Variants in SH3D19 observed in about 807,000 individuals in gnomAD.
SH3D19 encodes SH3 domain containing 19, also known as SH3 domain-containing protein 19.
SH3D19 carries 58 observed loss-of-function variants against 112.1 expected under a neutral mutation model. That is an observed-to-expected ratio of 0.52 (90% CI 0.42 to 0.64). SH3D19 has a LOEUF of 0.64. Among genes scored for constraint, SH3D19 ranks in the 30% least tolerant of loss-of-function variants. The pLI, the probability that SH3D19 is intolerant of heterozygous loss-of-function variation, is 0.00. For missense variants in SH3D19, 1,090 were observed against 1,263.4 expected, an observed-to-expected ratio of 0.86 and a Z score of 2.08; for synonymous variants, 391 against 448.5, an observed-to-expected ratio of 0.87 and a Z score of 1.62.
intron 9 of SH3D19, among the ~76,000 whole-genome samples, chr4:151,157,640 T>C (rs1161551139): frequency 6.6e-6 from 1 of 152,106 alleles, no homozygotes; most frequent in Non-Finnish European, 1.5e-5. Flanking sequence ...TGCACATCCA[T>C]GTTTACTGCA....
At chr4:151,276,805 T>C (rs1773666774) in intron 1 of SH3D19, among the ~76,000 whole-genome samples, 1 of 152,184 alleles carries the variant, frequency 6.6e-6, no homozygotes, top group Non-Finnish European at 1.5e-5. Flanking sequence ...GTTCATTTCC[T>C]CTTTTCCATT....
intron 2 of SH3D19, among the ~76,000 whole-genome samples, chr4:151,189,611 A>G (rs767322252): frequency 2.0e-5 from 3 of 152,158 alleles, no homozygotes; most frequent in Non-Finnish European, 2.9e-5. Context: ...TTTTAAAAAG[A>G]GGCATTCCCT....
intron 1 of SH3D19, among the ~76,000 whole-genome samples, chr4:151,240,907 G>A (rs1456399617): frequency 6.6e-6 from 1 of 151,884 alleles, no homozygotes; most frequent in Admixed American, 6.6e-5. Flanking sequence ...AACCGGTGAT[G>A]GATAAAATGT....
chr4:151,191,574 T>TA (rs1762631939), intron 2 of SH3D19, among the ~76,000 whole-genome samples: 1 of 152,148 alleles, frequency 6.6e-6, no homozygotes, highest in Non-Finnish European at 1.5e-5. Context: ...TGTTCCCCTG[T>TA]ACAAGGCATG....
intron 13 of SH3D19, among the ~76,000 whole-genome samples, chr4:151,138,727 CACACACAA>C (rs1561212463): frequency 1.0e-4 from 15 of 144,382 alleles, no homozygotes; most frequent in African/African-American, 4.0e-4. Context: ...CACACACACA[CACACACAA>C]ATTACTTTGA....
At chr4:151,260,628 A>G (rs1281152526) in intron 1 of SH3D19, among the ~76,000 whole-genome samples, 1 of 152,250 alleles carries the variant, frequency 6.6e-6, no homozygotes, top group African/African-American at 2.4e-5. Flanking sequence ...GTGAGATAAC[A>G]TCACTCCCTG....
intron 2 of SH3D19, among the ~76,000 whole-genome samples, chr4:151,215,224 A>G (rs1766874286): frequency 6.6e-6 from 1 of 152,190 alleles, no homozygotes; most frequent in African/African-American, 2.4e-5. Context: ...AGCCGGCCTC[A>G]TTAAAATATT....
chr4:151,301,156 A>C lies in SH3D19; in HGVS notation c.112+24085T>G, dbSNP rs527295454. On this transcript the variant is annotated intron_variant, in intron 1 of 19. Coordinates refer to ENST00000604030, the MANE Select transcript of SH3D19 (RefSeq NM_001378122.1). ...TGGGGGGTGATTGGATCATGGGAGT[A>C]GCTTCTCCATGGTTTAACACCATCC... Among the ~76,000 whole-genome samples the C allele has an allele frequency of 4.6e-5, 7 of 152,324 alleles. No individual in the cohort carries two copies. In the East Asian group the frequency reaches 1.4e-3, roughly 29 times the overall value.
chr4:151,295,819 C>T (rs569163412), intron 1 of SH3D19, among the ~76,000 whole-genome samples: 295 of 152,076 alleles, frequency 1.9e-3, no homozygotes, highest in Non-Finnish European at 3.5e-3. Context: ...GGGCGGATCA[C>T]GAGGTCAGGA....
chr4:151,151,062 G>T (rs1754983032), intron 9 of SH3D19, among the ~76,000 whole-genome samples: 2 of 149,632 alleles, frequency 1.3e-5, no homozygotes, highest in African/African-American at 5.0e-5. Context: ...CCAGGTTCAA[G>T]TGATTCTCCT....
intron 2 of SH3D19, among the ~76,000 whole-genome samples, chr4:151,220,962 G>C (rs985359517): frequency 6.6e-6 from 1 of 152,190 alleles, no homozygotes; most frequent in African/African-American, 2.4e-5. Context: ...CAAGAACAAC[G>C]CAGATATTTC....
In SH3D19 at chr4:151,175,228, G is replaced by T; in HGVS notation, c.976C>A (p.Pro326Thr). ...GAAGGTTTCCCTGAGGAAACAGTAG[G>T]CTTTGGAGGAAGTGAACGTGGAGTA... ...EITPRSLPPK[P>T]TVSSGKPSVA... The change falls in exon 7 of 20, where the codon CCT becomes ACT. Residue 326 changes from proline to threonine, a missense_variant. Transcript: ENST00000604030. 1 of 1,614,228 alleles carries T rather than the reference G, an allele frequency of 6.2e-7. No individual in the cohort carries two copies. Among genetic ancestry groups the T allele is most frequent in the South Asian group, 1.1e-5 (1 of 91,088 alleles).
At chr4:151,275,245 C>A (rs1245658557) in intron 1 of SH3D19, among the ~76,000 whole-genome samples, 3 of 151,926 alleles carry the variant, frequency 2.0e-5, no homozygotes, top group Non-Finnish European at 4.4e-5. Context: ...CGCCACTACA[C>A]CCGGCTAATT....
At chr4:151,281,694 T>C (rs1213673991) in intron 1 of SH3D19, among the ~76,000 whole-genome samples, 1 of 152,192 alleles carries the variant, frequency 6.6e-6, no homozygotes, top group African/African-American at 2.4e-5. Flanking sequence ...TTTATTTATT[T>C]ATTTTGTACA....
intron 3 of SH3D19, among the ~76,000 whole-genome samples, 160 bp downstream of exon 3, chr4:151,187,263 C>G (rs1761949349): frequency 6.6e-6 from 1 of 152,096 alleles, no homozygotes; most frequent in Non-Finnish European, 1.5e-5. Flanking sequence ...TAAATATAGG[C>G]TGAAAAGTAG....
chr4:151,145,048 T>C (rs1753689078), intron 11 of SH3D19, among the ~76,000 whole-genome samples: 1 of 152,214 alleles, frequency 6.6e-6, no homozygotes, highest in Admixed American at 6.5e-5. Context: ...CCTGTACAGC[T>C]GGCTTGGTGG....
At chr4:151,276,779 A>G (rs1224224988) in intron 1 of SH3D19, among the ~76,000 whole-genome samples, 2 of 152,198 alleles carry the variant, frequency 1.3e-5, no homozygotes, top group Non-Finnish European at 2.9e-5. Context: ...ACTCAGAAAA[A>G]TTAACCAGAT....
chr4:151,312,900 CAAAA>C (rs1227911321), intron 1 of SH3D19, among the ~76,000 whole-genome samples: 1 of 124,100 alleles, frequency 8.1e-6, no homozygotes. Flanking sequence ...GACTCCATCT[CAAAA>C]AAAAAAAAAA....
At chr4:151,211,270 CAA>C (rs541426168) in intron 2 of SH3D19, among the ~76,000 whole-genome samples, 28 of 103,750 alleles carry the variant, frequency 2.7e-4, no homozygotes, top group Admixed American at 3.1e-4. Flanking sequence ...AACTCCATCT[CAA>C]AAAAAAAAAA....
Sources: allele counts gnomAD v4.1 joint callset (sites outside exome capture counted in the v4.1 genomes callset), GRCh38; gene constraint gnomAD v4.1.1; transcripts MANE v1.5; gene names NCBI Gene and HGNC (gene_info 2026-07-23, HGNC 2026-07-21).